Variants in MYO15B observed in about 807,000 individuals in gnomAD.
MYO15B encodes myosin XVB.
MYO15B carries 207 observed loss-of-function variants against 119.3 expected under a neutral mutation model. That is an observed-to-expected ratio of 1.73 (90% CI 1.55 to 1.95). The LOEUF is 1.95. MYO15B is among the 30% of genes most tolerant of loss of function. The pLI is 0.00. For synonymous variants in MYO15B, 966 were observed against 498.9 expected (o/e 1.94, Z -12.48); for missense variants, 2,264 against 1,203.1 (o/e 1.88, Z -13.04).
exon 64 of MYO15B, chr17:75,626,527 G>T: frequency 1.4e-6 from 1 of 702,746 alleles, no homozygotes. Flanking sequence ...GGCCTCCCCC[G>T]GCCCAAGTCT....
Position 75,591,970 on chromosome 17 carries a change from T to C in MYO15B, c.2548-7T>C. The C allele has an allele frequency of 1.4e-6, 1 of 702,286 alleles. No homozygotes were observed. Among genetic ancestry groups the C allele is most frequent in the East Asian group, 2.7e-5 (1 of 37,276 alleles). 43.5% of individuals were successfully genotyped at this position (702,286 alleles called of 1,614,324 possible). A position where few individuals can be genotyped will look rare whatever the true frequency, so the allele number is the denominator to read the frequency against. ...CCAGGGATGCTTGAACACCCCTCCCTGTACAGGTGGAGGATATGCTGCCTA... is the reference window on the plus strand; with the variant it reads ...CCAGGGATGCTTGAACACCCCTCCCCGTACAGGTGGAGGATATGCTGCCTA... On this transcript the variant is annotated splice_polypyrimidine_tract_variant and splice_region_variant and intron_variant, in intron 5 of 63. Transcript: ENST00000645453.
Position 75,602,799 on chromosome 17 carries a change from G to A in MYO15B, c.3730-31G>A, listed in dbSNP as rs556383740. Reference sequence around the variant, plus strand: ...GCAGGGTGGATGGGCACGCCCCAGCGGCCAGCTGACTCAGCCCTTCACCCC... The same window carrying A: ...GCAGGGTGGATGGGCACGCCCCAGCAGCCAGCTGACTCAGCCCTTCACCCC... On this transcript the variant is annotated intron_variant, in intron 16 of 63. Coordinates refer to ENST00000645453, the Ensembl canonical transcript of MYO15B. 2.1e-5 allele frequency: 13 copies of A among 609,794 alleles called. No individual in the cohort carries two copies. In the East Asian group the frequency reaches 2.2e-4, roughly 10 times the overall value. The allele number at this position is 609,794 out of a possible 1,614,324, so 37.8% of individuals were successfully genotyped here. A position where few individuals can be genotyped will look rare whatever the true frequency, so the allele number is the denominator to read the frequency against.
intron 9 of MYO15B, among the ~76,000 whole-genome samples, chr17:75,593,403 G>A (rs56376961): frequency 0.054 from 8,230 of 152,098 alleles, 724 homozygotes; most frequent in African/African-American, 0.18. Context: ...TTTGAGACCA[G>A]CCTGGCCAAC....
chr17:75,594,827 G>T lies in MYO15B; in HGVS notation c.3165-13G>T. The T allele has an allele frequency of 1.4e-6, 1 of 702,920 alleles. No homozygotes were observed. Among genetic ancestry groups the T allele is most frequent in the Admixed American group, 2.0e-5 (1 of 50,026 alleles). 43.5% of individuals were successfully genotyped at this position (702,920 alleles called of 1,614,324 possible). ...ACGGCTCTATGTGGCTCACCCACCC[G>T]CCATGCCTACAGGGACGCCCTGGCC... On this transcript the variant is annotated splice_polypyrimidine_tract_variant and intron_variant, in intron 11 of 63. Transcript: ENST00000645453.
chr17:75,601,693 C>T (rs1568144688), intron 15 of MYO15B, 130 bp downstream of exon 15: 1 of 625,852 alleles, frequency 1.6e-6, no homozygotes. Flanking sequence ...CTGTCCCTAC[C>T]TGAGCCATGG....
At chr17:75,590,866 G>A (rs1178118353) in intron 2 of MYO15B, 41 bp from the exon 3 acceptor site, 2 of 350,864 alleles carry the variant, frequency 5.7e-6, no homozygotes, top group South Asian at 3.2e-5. Flanking sequence ...CATTCCCCCT[G>A]CTCCCTCCAC....
intron 21 of MYO15B, 73 bp downstream of exon 21, chr17:75,606,094 A>G (rs1322780484): frequency 6.5e-6 from 4 of 611,004 alleles, no homozygotes; most frequent in Non-Finnish European, 1.2e-5. Flanking sequence ...GTGGTGGGGC[A>G]GGGTTGGGGA....
At chr17:75,604,254 T>C (rs2147877867) in intron 19 of MYO15B, among the ~76,000 whole-genome samples, 1 of 152,184 alleles carries the variant, frequency 6.6e-6, no homozygotes, top group East Asian at 1.9e-4. Context: ...AACCTCCAGG[T>C]ACAACTCTCC....
rs1362636836 is a variant in MYO15B, at chr17:75,614,104, CCCTT to C, written c.5220-91_5220-88del. 9.2e-6 allele frequency: 6 copies of C among 650,350 alleles called. No homozygotes were observed. In the East Asian group the frequency reaches 1.4e-4, roughly 15 times the overall value. The allele number at this position is 650,350 out of a possible 1,614,324, so 40.3% of individuals were successfully genotyped here. Reference sequence around the variant, plus strand: ...GACCAGGCGGATCCAGGGCCACCCTCCCTTCCTCAGCCCCCTGCCCCCTTGGCCC... The same window carrying C: ...GACCAGGCGGATCCAGGGCCACCCTCCCTCAGCCCCCTGCCCCCTTGGCCC... On this transcript the variant is annotated intron_variant, in intron 29 of 63. Transcript: ENST00000645453.
intron 21 of MYO15B, among the ~76,000 whole-genome samples, chr17:75,609,274 C>G (rs1417431290): frequency 2.6e-5 from 4 of 151,426 alleles, no homozygotes; most frequent in Non-Finnish European, 5.9e-5. Context: ...GTGACCCAGT[C>G]ATAGCTCCTA....
chr17:75,589,594 G>A lies in MYO15B; in HGVS notation c.1537G>A (p.Ala513Thr). Residue 513 changes from alanine (A) to threonine (T), a missense_variant, in exon 1 of 64, where the codon GCT becomes ACT. Transcript: ENST00000645453. This position sits in a 1 kb window ranked among gnomAD's most constrained non-coding sequence, Gnocchi z 4.2. ...AGCAGGGCTGGGGGGTATGCCGAGG[G>A]CTTCCCCTGGTGGCCGCTCCCCGCA... is the stretch of plus-strand genomic sequence containing the variant. 5.0e-6 allele frequency: 2 copies of A among 398,848 alleles called. No homozygotes were observed. Among genetic ancestry groups the A allele is most frequent in the Non-Finnish European group, 8.8e-6 (2 of 226,096 alleles). 24.7% of individuals were successfully genotyped at this position (398,848 alleles called of 1,614,324 possible). A position where few individuals can be genotyped will look rare whatever the true frequency, so the allele number is the denominator to read the frequency against.
At chr17:75,597,437 G>A (rs374886377) in intron 14 of MYO15B, among the ~76,000 whole-genome samples, 3 of 152,306 alleles carry the variant, frequency 2.0e-5, no homozygotes, top group South Asian at 4.1e-4. Flanking sequence ...TCCTTACCGC[G>A]CCAGACTGGG....
exon 13 of MYO15B, chr17:75,596,548 A>G (rs1222557057): frequency 1.4e-6 from 1 of 702,454 alleles, no homozygotes; most frequent in South Asian, 1.5e-5. Flanking sequence ...CTGCTGGCCC[A>G]GGAGGAGGTA....
chr17:75,599,510 C>T (rs2057102978), intron 14 of MYO15B, among the ~76,000 whole-genome samples: 1 of 151,604 alleles, frequency 6.6e-6, no homozygotes, highest in Admixed American at 6.6e-5. Context: ...GATGGTTGAT[C>T]TCCTGATCTT....
intron 19 of MYO15B, among the ~76,000 whole-genome samples, chr17:75,605,098 T>C (rs1471267107): frequency 6.7e-6 from 1 of 148,194 alleles, no homozygotes; most frequent in Non-Finnish European, 1.5e-5. Flanking sequence ...GATTGCACCA[T>C]TGCACTCCAG....
intron 30 of MYO15B, 29 bp from the exon 31 acceptor site, chr17:75,614,554 C>G: frequency 1.4e-6 from 1 of 699,658 alleles, no homozygotes. Context: ...GCCTTGGCCA[C>G]CCCCTTAGCT....
At chr17:75,620,813 A>G in intron 49 of MYO15B, 177 bp downstream of exon 49, 1 of 701,470 alleles carries the variant, frequency 1.4e-6, no homozygotes, top group South Asian at 1.5e-5. Flanking sequence ...AAGACTGTGC[A>G]CTCCTTGCAG....
chr17:75,603,414 G>T (rs2057412046), intron 19 of MYO15B, 102 bp downstream of exon 19: 1 of 645,092 alleles, frequency 1.6e-6, no homozygotes. Context: ...CTCTGCCCAG[G>T]ACTGGGCCTA....
At position 75,589,528 on chromosome 17, in the gene MYO15B, C is replaced by T. The variant is rs2056304398; in HGVS notation, c.1471C>T (p.Pro491Ser). The change falls in exon 1 of 64, where the codon CCC (proline) becomes TCC (serine). Residue 491 changes from proline to serine, a missense_variant. By Grantham distance (74) the Pro-to-Ser change is moderately conservative (BLOSUM62 -1). Coordinates refer to ENST00000645453, the Ensembl canonical transcript of MYO15B. This position sits in a 1 kb window ranked among gnomAD's most constrained non-coding sequence, Gnocchi z 4.2. ...AGGGTACGAGGGGTGGGGCCGTGAGCCCGGGCTGCGGCACCGTCTAGCGTT... is the reference window on the plus strand; with the variant it reads ...AGGGTACGAGGGGTGGGGCCGTGAGTCCGGGCTGCGGCACCGTCTAGCGTT... The T allele has an allele frequency of 2.5e-6, 1 of 398,568 alleles. No homozygotes were observed. Among genetic ancestry groups the T allele is most frequent in the African/African-American group, 2.1e-5 (1 of 48,688 alleles). 24.7% of individuals were successfully genotyped at this position (398,568 alleles called of 1,614,324 possible). A position where few individuals can be genotyped will look rare whatever the true frequency, so the allele number is the denominator to read the frequency against.
Sources: allele counts gnomAD v4.1 joint callset (sites outside exome capture counted in the v4.1 genomes callset), GRCh38; gene constraint gnomAD v4.1.1; non-coding constraint Gnocchi (gnomAD v3.1); transcripts MANE v1.5; gene names NCBI Gene and HGNC (gene_info 2026-07-23, HGNC 2026-07-21).